The following UBR4 variants were observed in gnomAD, a reference collection of about 807,000 sequenced individuals.
UBR4 encodes the protein E3 ubiquitin-protein ligase UBR4.
In UBR4, 124 loss-of-function variants were observed where a neutral mutation model predicts 575.6. The observed-to-expected ratio is 0.22, with a 90% CI of 0.19 to 0.25. UBR4 has a LOEUF of 0.25. Among genes scored for constraint, UBR4 ranks in the 10% least tolerant of loss-of-function variants. UBR4 has a pLI of 1.00. For missense variants in UBR4, 4,818 were observed against 6,478.8 expected, an observed-to-expected ratio of 0.74 and a Z score of 8.80; for synonymous variants, 2,455 against 2,473.7, an observed-to-expected ratio of 0.99 and a Z score of 0.22.
intron 1 of UBR4, among the ~76,000 whole-genome samples, chr1:19,208,727 T>C (rs2093149420): frequency 6.6e-6 from 1 of 152,142 alleles, no homozygotes; most frequent in Non-Finnish European, 1.5e-5. Context: ...GAATACAGGA[T>C]TTATGGAAGG....
intron 1 of UBR4, among the ~76,000 whole-genome samples, chr1:19,205,115 G>C (rs1428457223): frequency 6.6e-6 from 1 of 152,184 alleles, no homozygotes; most frequent in Admixed American, 6.5e-5. Flanking sequence ...TGCAACAACA[G>C]CACCGCTGAG....
chr1:19,104,474 C>A, intron 86 of UBR4, 111 bp downstream of exon 86: 1 of 1,278,616 alleles, frequency 7.8e-7, no homozygotes, highest in Non-Finnish European at 1.1e-6. Context: ...CTTAAATCTG[C>A]ACTAAGGTCA....
At chr1:19,081,199 T>C in intron 103 of UBR4, 150 bp downstream of exon 103, 3 of 710,512 alleles carry the variant, frequency 4.2e-6, no homozygotes. Context: ...CTTAGACTCT[T>C]GACATGACAG....
intron 11 of UBR4, among the ~76,000 whole-genome samples, chr1:19,190,190 G>A (rs1349749361): frequency 2.0e-5 from 3 of 150,196 alleles, no homozygotes; most frequent in Non-Finnish European, 4.4e-5. Context: ...GCTACCTGGT[G>A]GCTGAGGCAC....
intron 1 of UBR4, among the ~76,000 whole-genome samples, chr1:19,204,935 A>C (rs2092933019): frequency 6.6e-6 from 1 of 152,234 alleles, no homozygotes; most frequent in Non-Finnish European, 1.5e-5. Context: ...ACCAGAGAAT[A>C]AGAAATGGAA....
chr1:19,092,952 G>T, intron 96 of UBR4, 34 bp from the exon 97 acceptor site: 1 of 1,586,808 alleles, frequency 6.3e-7, no homozygotes. Context: ...TAGCAGGCCA[G>T]GGAAGCAAAG....
chr1:19,120,084 C>T (rs1338880466), intron 69 of UBR4, 96 bp downstream of exon 69: 2 of 1,412,978 alleles, frequency 1.4e-6, no homozygotes, highest in Non-Finnish European at 2.0e-6. Flanking sequence ...TAACTACTGA[C>T]TCTGTGACCA....
chr1:19,189,481 T>C (rs1234604849), intron 11 of UBR4, among the ~76,000 whole-genome samples: 1 of 152,210 alleles, frequency 6.6e-6, no homozygotes, highest in African/African-American at 2.4e-5. Flanking sequence ...TGCTGGCCAT[T>C]AAAAACTTAG....
At position 19,105,124 on chromosome 1, in the gene UBR4, A is replaced by C; in HGVS notation, c.12569T>G (p.Leu4190Arg). ...GACTTTCCAGTGCGCAGAAGTGATG[A>C]GCTTCTGGTAGAGAGCCAGGTACTC... ...AAEYLALYQK[L>R]ITSAHWKVYL... Residue 4190 changes from leucine (L) to arginine (R), a missense_variant, in exon 85 of 106, where the codon CTC becomes CGC. Around this residue, in one of 29 missense-constraint regions of UBR4, gnomAD observed 178 missense variants for 175.5 expected, o/e 1.01. Coordinates refer to ENST00000375254, the MANE Select transcript of UBR4 (RefSeq NM_020765.3). The C allele has an allele frequency of 6.2e-7, 1 of 1,614,060 alleles. No individual in the cohort carries two copies. Among genetic ancestry groups the C allele is most frequent in the Non-Finnish European group, 8.5e-7 (1 of 1,179,986 alleles).
chr1:19,182,463 T>C (rs2091076109), intron 17 of UBR4, among the ~76,000 whole-genome samples: 1 of 152,112 alleles, frequency 6.6e-6, no homozygotes, highest in East Asian at 1.9e-4. Flanking sequence ...AGTGATCCTC[T>C]TGCCTCGCCT....
chr1:19,187,564 CAATCCTTAA>C lies in UBR4; in HGVS notation c.1395-33_1395-25del, dbSNP rs770078077. On this transcript the variant is annotated intron_variant, in intron 11 of 105. Coordinates refer to ENST00000375254, the MANE Select transcript of UBR4 (RefSeq NM_020765.3). ...GCCTACACAAAGAAAAAGGAAAACA[CAATCCTTAA>C]AATAATTAACAATAAATTACAACTT... The C allele has an allele frequency of 7.9e-5, 127 of 1,603,008 alleles. 1 individual carries two copies. In the South Asian group the frequency reaches 1.3e-3, roughly 17 times the overall value.
At chr1:19,130,984 G>A (rs1189045448) in intron 60 of UBR4, among the ~76,000 whole-genome samples, 4 of 151,668 alleles carry the variant, frequency 2.6e-5, no homozygotes, top group Non-Finnish European at 4.4e-5. Context: ...TCACAGCTCC[G>A]TGCAGTCTTG....
At chr1:19,096,718 T>C (rs2148959923) in intron 91 of UBR4, 68 bp from the exon 92 acceptor site, 1 of 1,587,082 alleles carries the variant, frequency 6.3e-7, no homozygotes, top group East Asian at 2.3e-5. Context: ...TAGGCCAGGA[T>C]AAGACAGCCC....
In UBR4 at chr1:19,165,679, A is replaced by C; in HGVS notation, c.4188T>G (p.Ala1396=). The change falls in exon 30 of 106, where the codon GCT becomes GCG. Residue 1396 remains alanine (A), a synonymous_variant. Coordinates refer to ENST00000375254, the MANE Select transcript of UBR4 (RefSeq NM_020765.3). The part of the protein sequence containing the change: ...KQLESSQARK[A]MEEFFSDSGE... Reference sequence around the variant, plus strand: ...ACCTGTCAGAGAAAAACTCCTCCATAGCTTTACGAGCCTGGCTACTTTCCA... The same window carrying C: ...ACCTGTCAGAGAAAAACTCCTCCATCGCTTTACGAGCCTGGCTACTTTCCA... 6.2e-7 allele frequency: 1 copy of C among 1,614,100 alleles called. No homozygotes were observed. The highest frequency in any genetic ancestry group is 1.1e-5 in the South Asian group (1 of 91,076).
intron 8 of UBR4, 105 bp downstream of exon 8, chr1:19,197,036 G>A: frequency 7.2e-7 from 1 of 1,379,886 alleles, no homozygotes; most frequent in Non-Finnish European, 9.9e-7. Context: ...CTTGAGAGAA[G>A]GAAGCAAGGG....
In UBR4 at chr1:19,106,718, C is replaced by T; in HGVS notation, c.12244G>A (p.Gly4082Ser). 1.3e-6 allele frequency: 2 copies of T among 1,598,946 alleles called. No individual in the cohort carries two copies. The highest frequency in any genetic ancestry group is 2.3e-5 in the South Asian group (2 of 88,524). ...KKCLPIRGID[G>S]NGKAPSKSEL... ...GATTTGCTGGGGGCTTTCCCATTGC[C>T]ATCTATCCCTGCAAGGCCAAGGGTT... Residue 4082 changes from glycine to serine, a missense_variant, in exon 83 of 106, where the codon GGC (glycine) becomes AGC (serine). Transcript: ENST00000375254.
At position 19,177,690 on chromosome 1, in the gene UBR4, G is replaced by T. The variant is rs755337770; in HGVS notation, c.2408C>A (p.Thr803Lys). ...CAGGTGTTCTACATTCAGATCCTCT[G>T]TCTCACTGGGCACCACACCTTGCAG... is the stretch of plus-strand genomic sequence containing the variant. ...NALQGVVPSETEDLNVEHLQM... is the reference protein window; with the variant it reads ...NALQGVVPSEKEDLNVEHLQM... Residue 803 changes from threonine (T) to lysine (K), a missense_variant, in exon 19 of 106, where the codon ACA becomes AAA. Thr to Lys is a moderately conservative substitution (Grantham distance 78). Around this residue, in one of 29 missense-constraint regions of UBR4, gnomAD observed 1,172 missense variants for 1,259.7 expected, o/e 0.93. Transcript: ENST00000375254. The T allele has an allele frequency of 6.2e-7, 1 of 1,614,066 alleles. No homozygotes were observed. The highest frequency in any genetic ancestry group is 8.5e-7 in the Non-Finnish European group (1 of 1,180,012).
Position 19,089,036 on chromosome 1 carries a change from C to T in UBR4, c.14212-59G>A, listed in dbSNP as rs2077272571. On this transcript the variant is annotated intron_variant, in intron 97 of 105. Coordinates refer to ENST00000375254, the MANE Select transcript of UBR4 (RefSeq NM_020765.3). This position sits in a 1 kb window ranked among gnomAD's most constrained non-coding sequence, Gnocchi z 4.3. ...CAATTATGTAGACAAACCTTCTTCC[C>T]GGGAGCTTAAAGGTTTAGAAACTCA... The T allele has an allele frequency of 1.2e-5, 18 of 1,559,882 alleles. No homozygotes were observed. In the South Asian group the frequency reaches 1.3e-4, roughly 11 times the overall value.
chr1:19,184,142 T>C lies in UBR4; in HGVS notation c.1972A>G (p.Ile658Val), dbSNP rs2091294461. Residue 658 changes from isoleucine to valine, a missense_variant, in exon 16 of 106, where the codon ATC (isoleucine) becomes GTC (valine). Coordinates refer to ENST00000375254, the MANE Select transcript of UBR4 (RefSeq NM_020765.3). ...LGLASNILNF[I>V]TSSMLNSRNN... is the part of the protein sequence containing the mutation. ...CGAGAGTTCAGCATGGAAGAGGTGA[T>C]GAAGTTCAAAATGTTGGAAGCCAGA... is the stretch of plus-strand genomic sequence containing the variant. 1.9e-6 allele frequency: 3 copies of C among 1,613,992 alleles called. No individual in the cohort carries two copies. The highest frequency in any genetic ancestry group is 2.7e-5 in the African/African-American group (2 of 74,896).
Sources: gnomAD v4.1 joint callset for allele counts (sites outside exome capture counted in the v4.1 genomes callset) on GRCh38, gnomAD v4.1.1 for gene constraint, gnomAD v4.1.1 regional missense constraint, Gnocchi (gnomAD v3.1) non-coding constraint, MANE v1.5 for transcripts, NCBI Gene and HGNC (gene_info 2026-07-23, HGNC 2026-07-21) for gene names.